Variants in SEMA3D observed in about 807,000 individuals in gnomAD.
The protein encoded by SEMA3D is semaphorin-3D.
A neutral mutation model predicts 100.1 loss-of-function variants in SEMA3D; 84 were observed. The ratio of observed to expected loss-of-function variants is 0.84; its 90% CI spans 0.70 to 1.01. The LOEUF (loss-of-function observed/expected upper bound fraction) is 1.01. SEMA3D is among the 50% of genes least tolerant of loss of function. The pLI, the probability that SEMA3D is intolerant of heterozygous loss-of-function variation, is 0.00. For missense variants in SEMA3D, 875 were observed against 934.1 expected (o/e 0.94, Z 0.82); for synonymous variants, 312 against 320.7 (o/e 0.97, Z 0.29).
At chr7:85,204,911 T>C in the SEMA3D span, among the ~76,000 whole-genome samples, 2 of 152,122 alleles carry the variant, frequency 1.3e-5, no homozygotes, top group African/African-American at 4.8e-5. Flanking sequence ...AATATCCTAA[T>C]AAATAGTAAC....
At chr7:85,037,649 C>T (rs35367762) in intron 11 of SEMA3D, among the ~76,000 whole-genome samples, 33,300 of 151,710 alleles carry the variant, frequency 0.22, 4,207 homozygotes, top group Non-Finnish European at 0.3. Flanking sequence ...TCTTTTTGGT[C>T]CTCCTTGAAT....
At chr7:85,188,166 T>C (rs1791614360), upstream of SEMA3D, among the ~76,000 whole-genome samples, 1 of 152,236 alleles carries the variant, frequency 6.6e-6, no homozygotes, top group Non-Finnish European at 1.5e-5. Context: ...TTTGACCTTT[T>C]ATCTGTGGCA....
intron 15 of SEMA3D, among the ~76,000 whole-genome samples, chr7:85,016,787 C>CT (rs35691304): frequency 0.28 from 37,389 of 132,282 alleles, 6,403 homozygotes; most frequent in East Asian, 0.65. Flanking sequence ...TTTTCAATGG[C>CT]TTTTTTTTTT....
intron 6 of SEMA3D, among the ~76,000 whole-genome samples, chr7:85,071,732 G>A (rs1384307250): frequency 2.0e-5 from 3 of 152,300 alleles, no homozygotes; most frequent in Non-Finnish European, 2.9e-5. Context: ...TAAGACAATG[G>A]TAAGCATTTG....
chr7:85,067,939 C>T (rs766594909), intron 7 of SEMA3D, among the ~76,000 whole-genome samples: 2 of 152,082 alleles, frequency 1.3e-5, no homozygotes, highest in Non-Finnish European at 2.9e-5. Flanking sequence ...ATTATCTGTT[C>T]TTTGACATTA....
chr7:85,098,750 GA>G (rs1361225593), intron 3 of SEMA3D, among the ~76,000 whole-genome samples: 1 of 151,818 alleles, frequency 6.6e-6, no homozygotes, highest in African/African-American at 2.4e-5. Context: ...TTCAACAAAG[GA>G]ATGATGACAA....
At chr7:85,237,302 G>T in the SEMA3D span, among the ~76,000 whole-genome samples, 5 of 152,186 alleles carry the variant, frequency 3.3e-5, no homozygotes, top group East Asian at 9.6e-4. Flanking sequence ...TGTTGTCAAA[G>T]CCCATAGTTT....
chr7:85,085,591 A>G (rs537708752), intron 4 of SEMA3D, among the ~76,000 whole-genome samples: 14 of 152,174 alleles, frequency 9.2e-5, no homozygotes, highest in Non-Finnish European at 2.1e-4. Flanking sequence ...AAGGCATCAA[A>G]TTGAGGTGCT....
the SEMA3D span, among the ~76,000 whole-genome samples, chr7:85,210,917 T>G: frequency 1.3e-5 from 2 of 152,048 alleles, no homozygotes; most frequent in East Asian, 1.9e-4. Flanking sequence ...ATTCATGTAT[T>G]AATGTATCAA....
rs1562828077 is a variant in SEMA3D at position 85,126,401 on chromosome 7, T to TC, written c.-40-4471_-40-4470insG. The stretch of plus-strand genomic sequence containing the variant: ...GTGTGTGTGTGTGTGTGTGTGTGTG[T>TC]GTCGTGTGTGTGTGTGTGTGTGTGT... On this transcript the variant is annotated intron_variant, in intron 2 of 18. Transcript: ENST00000284136. Among the ~76,000 whole-genome samples the TC allele has an allele frequency of 7.6e-3, 803 of 105,498 alleles. 2 individuals are homozygous for TC. Among genetic ancestry groups the TC allele is most frequent in the Middle Eastern group, 0.028 (6 of 212 alleles). The allele number at this position is 105,498 out of a possible 152,430, so 69.2% of individuals were successfully genotyped here.
intron 2 of SEMA3D, among the ~76,000 whole-genome samples, chr7:85,135,516 TAG>T (rs1446623597): frequency 1.3e-5 from 2 of 149,836 alleles, no homozygotes; most frequent in East Asian, 3.9e-4. Flanking sequence ...GAGGTGGGGG[TAG>T]AGGGGGAGGG....
At chr7:85,035,729 T>C (rs536953816) in intron 12 of SEMA3D, among the ~76,000 whole-genome samples, 3 of 152,138 alleles carry the variant, frequency 2.0e-5, no homozygotes, top group East Asian at 3.9e-4. Context: ...ATAGGTCTCA[T>C]GTTAAATGTT....
the SEMA3D span, among the ~76,000 whole-genome samples, chr7:85,228,785 TAGAG>T: frequency 6.2e-4 from 95 of 152,186 alleles, no homozygotes; most frequent in Admixed American, 3.7e-3. Context: ...GAAAAAGACA[TAGAG>T]AGAAGAAATC....
the SEMA3D span, among the ~76,000 whole-genome samples, chr7:85,198,203 T>A: frequency 6.6e-6 from 1 of 152,250 alleles, no homozygotes; most frequent in Non-Finnish European, 1.5e-5. Flanking sequence ...TTCAAAAATG[T>A]TTTAAAGCTT....
chr7:85,066,913 C>CACAGAGACAGAG, intron 7 of SEMA3D, among the ~76,000 whole-genome samples: 1 of 127,760 alleles, frequency 7.8e-6, no homozygotes, highest in African/African-American at 3.2e-5. Flanking sequence ...CACACACACA[C>CACAGAGACAGAG]AGAGAGAGAG....
the SEMA3D span, among the ~76,000 whole-genome samples, chr7:85,209,217 A>G: frequency 6.6e-6 from 1 of 152,026 alleles, no homozygotes; most frequent in Non-Finnish European, 1.5e-5. Context: ...TTCTTTTTGT[A>G]GTGCATATAG....
chr7:85,175,814 T>C (rs1330501762), intron 1 of SEMA3D, among the ~76,000 whole-genome samples: 1 of 151,934 alleles, frequency 6.6e-6, no homozygotes, highest in Admixed American at 6.6e-5. Context: ...TATATAAATA[T>C]ATGAAGAGAC....
At chr7:85,062,115 G>A (rs1791494513) in intron 8 of SEMA3D, among the ~76,000 whole-genome samples, 1 of 152,184 alleles carries the variant, frequency 6.6e-6, no homozygotes, top group African/African-American at 2.4e-5. Flanking sequence ...TCAGGGGCGA[G>A]ATACACATAT....
the SEMA3D span, among the ~76,000 whole-genome samples, chr7:85,225,759 T>G: frequency 6.6e-6 from 1 of 152,068 alleles, no homozygotes; most frequent in South Asian, 2.1e-4. Flanking sequence ...GGTCCCTGCC[T>G]GTATGCTCCC....
Sources: gnomAD v4.1 joint callset for allele counts (sites outside exome capture counted in the v4.1 genomes callset) on GRCh38, gnomAD v4.1.1 for gene constraint, MANE v1.5 for transcripts, NCBI Gene and HGNC (gene_info 2026-07-23, HGNC 2026-07-21) for gene names.